EMILIN2: variants seen among roughly 807,000 people sequenced by gnomAD.
EMILIN2 encodes the protein EMILIN-2.
Under a neutral mutation model 87.1 loss-of-function variants are expected in EMILIN2, and 71 were observed. The ratio of observed to expected loss-of-function variants is 0.82; its 90% CI spans 0.67 to 0.99. EMILIN2 has a LOEUF of 0.99. Among genes scored for constraint, EMILIN2 ranks in the 50% least tolerant of loss-of-function variants. The pLI is 0.00. For missense variants in EMILIN2, 1,407 were observed against 1,371.8 expected (o/e 1.03, Z -0.40); for synonymous variants, 581 against 563.4 (o/e 1.03, Z -0.44).
chr18:2,871,993 G>T (rs1256319581), intron 2 of EMILIN2, among the ~76,000 whole-genome samples: 2 of 152,188 alleles, frequency 1.3e-5, no homozygotes, highest in African/African-American at 4.8e-5. Flanking sequence ...TGATATTTGA[G>T]GTAACTGAGG....
chr18:2,897,239 G>A (rs139386483), intron 4 of EMILIN2, among the ~76,000 whole-genome samples: 127 of 152,324 alleles, frequency 8.3e-4, no homozygotes, highest in South Asian at 4.4e-3. Flanking sequence ...GATTACTTCC[G>A]TTGAAATCCC....
Position 2,890,168 on chromosome 18 carries a change from AT to A in EMILIN2, c.434-392del, listed in dbSNP as rs2076827307. Among the ~76,000 whole-genome samples the A allele has an allele frequency of 6.6e-6, 1 of 152,226 alleles. No homozygotes were observed. The highest frequency in any genetic ancestry group is 1.5e-5 in the Non-Finnish European group (1 of 68,026). On this transcript the variant is annotated intron_variant, in intron 3 of 7. Coordinates refer to ENST00000254528, the MANE Select transcript of EMILIN2 (RefSeq NM_032048.3). This position sits in a 1 kb window ranked among gnomAD's most constrained non-coding sequence, Gnocchi z 4.7. ...TGGGGTGTGGCTGCAGTTCACTAAT[AT>A]GGGAATGAAGTGTTCATATGATAAA...
rs765848472 is a variant in EMILIN2, at chr18:2,913,132, G to T, written c.2890G>T (p.Ala964Ser). The change falls in exon 8 of 8, where the codon GCC becomes TCC. Residue 964 changes from alanine to serine, a missense_variant. Ala to Ser is a moderately conservative substitution (Grantham distance 99). Transcript: ENST00000254528. ...GGCCACCCTCACCCCCGAGAGAGAC[G>T]CCTACGTGGAAGCAGTGCTGTCGGT... is the stretch of plus-strand genomic sequence containing the variant. ...ITATLTPERD[A>S]YVEAVLSVSN... 1.2e-6 allele frequency: 2 copies of T among 1,613,692 alleles called. No individual in the cohort carries two copies. The highest frequency in any genetic ancestry group is 3.3e-5 in the Admixed American group (2 of 60,006).
At position 2,908,946 on chromosome 18, in the gene EMILIN2, A is replaced by G. The variant is rs201645130; in HGVS notation, c.2666A>G (p.Tyr889Cys). ...CCATTTCCTTTCTGTTTTTCAGGATACCCGAAGTCACCTCCTGTAGCTTCC... is the reference window on the plus strand; with the variant it reads ...CCATTTCCTTTCTGTTTTTCAGGATGCCCGAAGTCACCTCCTGTAGCTTCC... The part of the protein sequence containing the change: ...GAEGFAGAPG[Y>C]PKSPPVASPG... The change falls in exon 6 of 8, where the codon TAC becomes TGC. Residue 889 changes from tyrosine to cysteine, a missense_variant. Tyr to Cys is a radical substitution (Grantham distance 194, BLOSUM62 -2). Transcript: ENST00000254528. The G allele has an allele frequency of 5.8e-5, 94 of 1,613,432 alleles. No homozygotes were observed. Among genetic ancestry groups the G allele is most frequent in the Middle Eastern group, 1.8e-4 (1 of 5,644 alleles).
At chr18:2,905,751 C>A (rs1005037454) in intron 4 of EMILIN2, among the ~76,000 whole-genome samples, 58 of 151,210 alleles carry the variant, frequency 3.8e-4, no homozygotes, top group African/African-American at 1.4e-3. Context: ...TACAGGTGCG[C>A]TCCACTACCC....
chr18:2,907,242 C>T (rs901882025), intron 5 of EMILIN2, among the ~76,000 whole-genome samples, 157 bp downstream of exon 5: 1 of 152,204 alleles, frequency 6.6e-6, no homozygotes, highest in African/African-American at 2.4e-5. Flanking sequence ...CCCGAGGGAC[C>T]GCTCATGCTA....
intron 2 of EMILIN2, among the ~76,000 whole-genome samples, chr18:2,883,985 T>G (rs904862895): frequency 1.3e-5 from 2 of 152,148 alleles, no homozygotes; most frequent in Non-Finnish European, 2.9e-5. Flanking sequence ...AGTTGGAGTC[T>G]TGCTCTGTCA....
intron 2 of EMILIN2, among the ~76,000 whole-genome samples, chr18:2,879,925 C>A (rs2076768631): frequency 2.6e-5 from 4 of 152,108 alleles, no homozygotes; most frequent in Non-Finnish European, 5.9e-5. Flanking sequence ...CCAGGCTGTT[C>A]TCGAACTCCT....
Position 2,847,592 on chromosome 18 carries a change from G to A in EMILIN2, c.135-217G>A, listed in dbSNP as rs1044187382. 3.9e-5 allele frequency among the ~76,000 whole-genome samples: 6 copies of A among 152,168 alleles called. No homozygotes were observed. The highest frequency in any genetic ancestry group is 1.4e-4 in the African/African-American group (6 of 41,464). On this transcript the variant is annotated intron_variant, in intron 1 of 7. Coordinates refer to ENST00000254528, the MANE Select transcript of EMILIN2 (RefSeq NM_032048.3). This position sits in a 1 kb window ranked among gnomAD's most constrained non-coding sequence, Gnocchi z 4.5. Reference sequence around the variant, plus strand: ...ATTCCATGAGCCCCTGGGACCATGGGTGCTTTTCTTTCCCGTCTTGGTCGG... The same window carrying A: ...ATTCCATGAGCCCCTGGGACCATGGATGCTTTTCTTTCCCGTCTTGGTCGG...
In EMILIN2 at chr18:2,908,950, G is replaced by T. The variant is rs752791415; in HGVS notation, c.2670G>T (p.Pro890=). 3 of 1,613,602 alleles carry T rather than the reference G, an allele frequency of 1.9e-6. No individual in the cohort carries two copies. The highest frequency in any genetic ancestry group is 2.5e-6 in the Non-Finnish European group (3 of 1,180,018). Residue 890 remains proline (P), a synonymous_variant, in exon 6 of 8, where the codon CCG becomes CCT. Transcript: ENST00000254528. ...TTCCTTTCTGTTTTTCAGGATACCC[G>T]AAGTCACCTCCTGTAGCTTCCCCAG... is the stretch of plus-strand genomic sequence containing the variant. ...AEGFAGAPGY[P]KSPPVASPGA...
Position 2,858,601 on chromosome 18 carries a change from A to ATATATATATG in EMILIN2, c.257+10671_257+10672insATATATATGT, listed in dbSNP as rs745894577. ...TGTGTGTGTATATATATATATATAT[A>ATATATATATG]TGTGTATATATATATATGTTCCACA... On this transcript the variant is annotated intron_variant, in intron 2 of 7. Transcript: ENST00000254528. Among the ~76,000 whole-genome samples the ATATATATATG allele has an allele frequency of 1.3e-4, 13 of 103,620 alleles. 1 individual carries two copies. The highest frequency in any genetic ancestry group is 5.9e-4 in the South Asian group (2 of 3,408). The allele number at this position is 103,620 out of a possible 152,430, so 68.0% of individuals were successfully genotyped here. A position where few individuals can be genotyped will look rare whatever the true frequency, so the allele number is the denominator to read the frequency against.
chr18:2,879,404 A>G (rs2076765600), intron 2 of EMILIN2, among the ~76,000 whole-genome samples: 1 of 152,166 alleles, frequency 6.6e-6, no homozygotes, highest in African/African-American at 2.4e-5. Context: ...CATGCTTGTA[A>G]TCCCAGCCCT....
At chr18:2,906,442 C>T (rs944345398) in intron 4 of EMILIN2, 1 of 201,864 alleles carries the variant, frequency 5.0e-6, no homozygotes, top group Non-Finnish European at 9.9e-6. Flanking sequence ...CCCTTTCAGT[C>T]ACTTGCGACG....
At chr18:2,857,900 T>G (rs1239924456) in intron 2 of EMILIN2, among the ~76,000 whole-genome samples, 1 of 152,178 alleles carries the variant, frequency 6.6e-6, no homozygotes, top group Non-Finnish European at 1.5e-5. Context: ...CAATGCGCCC[T>G]TTCCCATCAC....
intron 2 of EMILIN2, among the ~76,000 whole-genome samples, chr18:2,862,649 G>A (rs747547101): frequency 1.1e-4 from 16 of 152,092 alleles, no homozygotes; most frequent in South Asian, 2.1e-4. Context: ...TTTTTGCATC[G>A]ATGTTCATCA....
At position 2,913,304 on chromosome 18, in the gene EMILIN2, A is replaced by G. The variant is rs138565870; in HGVS notation, c.3062A>G (p.Asn1021Ser). The change falls in exon 8 of 8, where the codon AAC (asparagine) becomes AGC (serine). Residue 1021 changes from asparagine to serine, a missense_variant. By Grantham distance (46) the Asn-to-Ser change is conservative (BLOSUM62 1). Coordinates refer to ENST00000254528, the MANE Select transcript of EMILIN2 (RefSeq NM_032048.3). ...IVHLKAGDAV[N>S]VVVTGGKLAH... ...CACCTGAAGGCGGGAGATGCAGTCA[A>G]CGTCGTGGTGACTGGGGGCAAGCTG... 4.3e-6 allele frequency: 7 copies of G among 1,613,112 alleles called. No individual in the cohort carries two copies. In the African/African-American group the frequency reaches 6.7e-5, roughly 15 times the overall value.
intron 2 of EMILIN2, among the ~76,000 whole-genome samples, chr18:2,878,608 G>A (rs969083551): frequency 1.2e-4 from 18 of 152,124 alleles, no homozygotes; most frequent in Admixed American, 6.6e-4. Context: ...GTGCAGTAGC[G>A]GATTCCGGGT....
intron 3 of EMILIN2, among the ~76,000 whole-genome samples, chr18:2,887,367 A>G (rs780954751): frequency 2.0e-4 from 31 of 152,122 alleles, no homozygotes; most frequent in Non-Finnish European, 3.1e-4. Context: ...GTCCCCTCCA[A>G]ATCTCATGTT....
intron 4 of EMILIN2, among the ~76,000 whole-genome samples, chr18:2,903,345 T>C (rs1039864473): frequency 2.6e-5 from 4 of 152,188 alleles, no homozygotes; most frequent in Admixed American, 2.0e-4. Context: ...CAGTGTCTTC[T>C]ACAATTATAT....
Sources: allele counts gnomAD v4.1 joint callset (sites outside exome capture counted in the v4.1 genomes callset), GRCh38; gene constraint gnomAD v4.1.1; non-coding constraint Gnocchi (gnomAD v3.1); transcripts MANE v1.5; gene names NCBI Gene and HGNC (gene_info 2026-07-23, HGNC 2026-07-21).